TXNDC8: variants seen among roughly 807,000 people sequenced by gnomAD.
TXNDC8 encodes the protein thioredoxin domain-containing protein 8.
In TXNDC8, 15 loss-of-function variants were observed where a neutral mutation model predicts 12.9. The observed-to-expected ratio is 1.16, with a 90% confidence interval of 0.78 to 1.79. TXNDC8 has a LOEUF of 1.79. Ranked by LOEUF, TXNDC8 falls within the 40% of genes most tolerant of loss-of-function variation. The probability of loss-of-function intolerance (pLI) is 0.00; values close to 1 mark genes in which losing one functional copy is unlikely to be tolerated. For synonymous variants in TXNDC8, 40 were observed against 35.4 expected (o/e 1.13, Z -0.46); for missense variants, 128 against 113.2 (o/e 1.13, Z -0.59).
chr9:110,326,315 C>T (rs1839316482), intron 2 of TXNDC8, 75 bp from the exon 4 acceptor site: 5 of 1,506,450 alleles, frequency 3.3e-6, no homozygotes, highest in Admixed American at 3.4e-5. Context: ...TATTTGGTAA[C>T]TTTTTAGGAG....
intron 4 of TXNDC8, among the ~76,000 whole-genome samples, chr9:110,303,990 C>T (rs976083359): frequency 1.3e-5 from 2 of 152,126 alleles, no homozygotes; most frequent in African/African-American, 4.8e-5. Context: ...GACTTCTCCC[C>T]AGGTAAGAGT....
intron 3 of TXNDC8, among the ~76,000 whole-genome samples, chr9:110,318,452 G>A (rs1052654554): frequency 6.6e-6 from 1 of 152,074 alleles, no homozygotes; most frequent in Admixed American, 6.5e-5. Flanking sequence ...AAATTTAAGG[G>A]GTGGCCAGGC....
chr9:110,310,929 T>C (rs976148242), intron 3 of TXNDC8, among the ~76,000 whole-genome samples: 1 of 152,238 alleles, frequency 6.6e-6, no homozygotes, highest in Non-Finnish European at 1.5e-5. Context: ...TTAATGAAAA[T>C]AGTTACATCT....
In TXNDC8 at chr9:110,334,290, C is replaced by T. The variant is rs74374159; in HGVS notation, c.55G>A (p.Gly19Arg). ...AATTGAACCACTGCGAGTTTGTGTC[C>T]GGCAGCTGTCAAAAATGTTTTAAAT... Residue 19 changes from glycine (G) to arginine (R), a missense_variant, in exon 2 of 5, where the codon GGA becomes AGA. Gly to Arg is a moderately radical substitution (Grantham distance 125, BLOSUM62 -2). Coordinates refer to ENST00000423740, the MANE Select transcript of TXNDC8 (RefSeq NM_001286946.2). 16,283 of 1,613,364 alleles carry T rather than the reference C, an allele frequency of 0.01. 1,206 individuals are homozygous for T. In the African/African-American group the frequency reaches 0.17, roughly 17 times the overall value.
chr9:110,317,475 C>T (rs1838928935), intron 3 of TXNDC8, among the ~76,000 whole-genome samples: 1 of 152,222 alleles, frequency 6.6e-6, no homozygotes, highest in South Asian at 2.1e-4. Flanking sequence ...ATGCTCTCTT[C>T]CCACTGTCTT....
At chr9:110,310,112 T>C (rs1371469066) in intron 3 of TXNDC8, among the ~76,000 whole-genome samples, 1 of 152,038 alleles carries the variant, frequency 6.6e-6, no homozygotes, top group Non-Finnish European at 1.5e-5. Flanking sequence ...AGTAATATGG[T>C]CTTTGTGCAC....
chr9:110,337,700 T>G, intron 1 of TXNDC8, 73 bp downstream of exon 1: 1 of 1,421,072 alleles, frequency 7.0e-7, no homozygotes. Flanking sequence ...GAGAACACAT[T>G]CTTAAAGTTT....
intron 3 of TXNDC8, among the ~76,000 whole-genome samples, chr9:110,322,217 TAA>T (rs1839129690): frequency 6.6e-6 from 1 of 152,000 alleles, no homozygotes; most frequent in Non-Finnish European, 1.5e-5. Context: ...ACCAGGATGC[TAA>T]GTTACTAATA....
chr9:110,311,597 T>TATTA (rs1838677777), intron 3 of TXNDC8, among the ~76,000 whole-genome samples: 1 of 129,438 alleles, frequency 7.7e-6, no homozygotes, highest in Non-Finnish European at 1.6e-5. Flanking sequence ...TATTACTATA[T>TATTA]CCATATATAT....
chr9:110,332,890 A>G (rs1461592444), intron 2 of TXNDC8, among the ~76,000 whole-genome samples: 3 of 152,240 alleles, frequency 2.0e-5, no homozygotes, highest in Admixed American at 2.0e-4. Flanking sequence ...ATCAAGGACA[A>G]GAAAGGAACA....
intron 2 of TXNDC8, among the ~76,000 whole-genome samples, chr9:110,333,082 G>A (rs1839605358): frequency 1.3e-5 from 2 of 152,162 alleles, no homozygotes; most frequent in Non-Finnish European, 2.9e-5. Flanking sequence ...GAACAGGGAA[G>A]GAGTAAATGA....
chr9:110,326,947 C>T (rs1839346156), intron 2 of TXNDC8, among the ~76,000 whole-genome samples: 1 of 147,854 alleles, frequency 6.8e-6, no homozygotes, highest in South Asian at 2.1e-4. Flanking sequence ...CATGCACACA[C>T]ACACACACAC....
Position 110,303,609 on chromosome 9 carries a change from A to G in TXNDC8, c.*73T>C. 2 of 1,567,098 alleles carry G rather than the reference A, an allele frequency of 1.3e-6. No individual in the cohort carries two copies. The highest frequency in any genetic ancestry group is 1.7e-6 in the Non-Finnish European group (2 of 1,152,422). On this transcript the variant is annotated 3_prime_UTR_variant, in exon 5 of 5. Coordinates refer to ENST00000423740, the MANE Select transcript of TXNDC8 (RefSeq NM_001286946.2). ...CTGTTCACAAATGCACAAAGGTGAA[A>G]CATTTATTGATTCAAGTGCTGCGAA...
At chr9:110,319,254 A>G (rs561190312) in intron 3 of TXNDC8, among the ~76,000 whole-genome samples, 8 of 152,216 alleles carry the variant, frequency 5.3e-5, no homozygotes, top group African/African-American at 1.9e-4. Context: ...TGGGTAGGCA[A>G]CCCCTGAATG....
At chr9:110,330,326 C>A (rs1350269079) in intron 2 of TXNDC8, among the ~76,000 whole-genome samples, 1 of 152,168 alleles carries the variant, frequency 6.6e-6, no homozygotes, top group Admixed American at 6.5e-5. Flanking sequence ...CCAATCTATT[C>A]TTGTGCAACC....
chr9:110,314,499 C>A (rs189774891), intron 3 of TXNDC8, among the ~76,000 whole-genome samples: 1 of 146,724 alleles, frequency 6.8e-6, no homozygotes, highest in South Asian at 2.1e-4. Flanking sequence ...GTGGCGCGAT[C>A]TCGGCTCACT....
intron 3 of TXNDC8, among the ~76,000 whole-genome samples, chr9:110,311,520 GGTATAT>G (rs1838661615): frequency 6.0e-5 from 1 of 16,534 alleles, no homozygotes; most frequent in African/African-American, 1.9e-4. Context: ...AAAATAAAGA[GGTATAT>G]ATATATATAT....
chr9:110,303,378 G>T, downstream of TXNDC8: 1 of 930,572 alleles, frequency 1.1e-6, no homozygotes, highest in Non-Finnish European at 1.5e-6. Flanking sequence ...ATTGTGCAGT[G>T]AGATTGCATT....
rs371299940 is a variant in TXNDC8 at position 110,303,631 on chromosome 9, C to T, written c.*51G>A. Reference sequence around the variant, plus strand: ...GAAACATTTATTGATTCAAGTGCTGCGAAAATGTTGAGGCTTTAAGGAATT... The same window carrying T: ...GAAACATTTATTGATTCAAGTGCTGTGAAAATGTTGAGGCTTTAAGGAATT... On this transcript the variant is annotated 3_prime_UTR_variant, in exon 5 of 5. Transcript: ENST00000423740. 1.4e-4 allele frequency: 220 copies of T among 1,583,416 alleles called. No individual in the cohort carries two copies. The East Asian group carries it at 4.8e-3, about 34-fold the overall frequency.
Sources: allele counts gnomAD v4.1 joint callset (sites outside exome capture counted in the v4.1 genomes callset), GRCh38; gene constraint gnomAD v4.1.1; transcripts MANE v1.5; gene names NCBI Gene and HGNC (gene_info 2026-07-23, HGNC 2026-07-21).